PARP8: variants seen among roughly 807,000 people sequenced by gnomAD.
PARP8 encodes the protein protein mono-ADP-ribosyltransferase PARP8.
Under a neutral mutation model 124.1 loss-of-function variants are expected in PARP8, and 51 were observed. That is an observed-to-expected ratio of 0.41 (90% CI 0.33 to 0.52). PARP8 has a LOEUF of 0.52. PARP8 is among the 20% of genes least tolerant of loss of function. The pLI, the probability that PARP8 is intolerant of heterozygous loss-of-function variation, is 0.21. For synonymous variants in PARP8, 391 were observed against 361.5 expected, an observed-to-expected ratio of 1.08 and a Z score of -0.93; for missense variants, 860 against 1,018.9, an observed-to-expected ratio of 0.84 and a Z score of 2.12.
At chr5:50,830,715 T>G (rs1413232457) in intron 22 of PARP8, among the ~76,000 whole-genome samples, 1 of 152,228 alleles carries the variant, frequency 6.6e-6, no homozygotes, top group Non-Finnish European at 1.5e-5. Flanking sequence ...AAATTTTCTC[T>G]CCTTTACTAC....
rs187599629 is a variant in PARP8 at position 50,814,145 on chromosome 5, G to A, written c.1576-1287G>A. 2.5e-3 allele frequency among the ~76,000 whole-genome samples: 377 copies of A among 152,124 alleles called. 3 individuals are homozygous for A. Among genetic ancestry groups the A allele is most frequent in the Non-Finnish European group, 2.2e-3 (152 of 67,996 alleles). On this transcript the variant is annotated intron_variant, in intron 14 of 25. Coordinates refer to ENST00000281631, the MANE Select transcript of PARP8 (RefSeq NM_024615.4). ...TTCATTGTATTGAAGCACCAGAATA[G>A]CATTTGACACTATCGTAAATATGCA...
chr5:50,726,113 AT>A (rs1206970178), intron 2 of PARP8, among the ~76,000 whole-genome samples: 7 of 149,506 alleles, frequency 4.7e-5, no homozygotes, highest in Non-Finnish European at 6.0e-5. Flanking sequence ...CTCCCTACTT[AT>A]TTTTTTTTTA....
intron 2 of PARP8, among the ~76,000 whole-genome samples, chr5:50,714,099 T>C (rs956586227): frequency 3.7e-4 from 56 of 150,752 alleles, no homozygotes; most frequent in East Asian, 1.4e-3. Context: ...TTTTTTTTTT[T>C]CCCCAGAATT....
intron 2 of PARP8, among the ~76,000 whole-genome samples, chr5:50,718,994 T>G (rs771479427): frequency 6.6e-6 from 1 of 152,068 alleles, no homozygotes; most frequent in Non-Finnish European, 1.5e-5. Flanking sequence ...GTCTTTTCAA[T>G]AGAAGCCATT....
At position 50,844,225 on chromosome 5, in the gene PARP8, A is replaced by T. The variant is rs550251642; in HGVS notation, c.*2157A>T. 6.6e-6 allele frequency: 1 copy of T among 151,858 alleles called. No individual in the cohort carries two copies. The highest frequency in any genetic ancestry group is 1.5e-5 in the Non-Finnish European group (1 of 67,840). The allele number at this position is 151,858 out of a possible 1,614,324, so 9.4% of individuals were successfully genotyped here. On this transcript the variant is annotated 3_prime_UTR_variant, in exon 26 of 26. Transcript: ENST00000281631. ...AGTTTAATGCTAGGCATCTTTTATGATAATAAAGTAAGATGTCTTCTTATG... is the reference window on the plus strand; with the variant it reads ...AGTTTAATGCTAGGCATCTTTTATGTTAATAAAGTAAGATGTCTTCTTATG...
intron 2 of PARP8, among the ~76,000 whole-genome samples, chr5:50,674,591 T>C (rs960657639): frequency 6.6e-6 from 1 of 152,258 alleles, no homozygotes; most frequent in African/African-American, 2.4e-5. Flanking sequence ...TTTTTCCATA[T>C]AGACCTGAAA....
chr5:50,729,616 C>T (rs1188320253), intron 2 of PARP8, among the ~76,000 whole-genome samples: 3 of 152,056 alleles, frequency 2.0e-5, no homozygotes, highest in African/African-American at 7.2e-5. Context: ...TTTTTCTTGC[C>T]GTTCAGAAAG....
At chr5:50,776,738 A>G (rs1406101077) in intron 7 of PARP8, among the ~76,000 whole-genome samples, 1 of 152,202 alleles carries the variant, frequency 6.6e-6, no homozygotes, top group Non-Finnish European at 1.5e-5. Flanking sequence ...ATTAAATCAC[A>G]TAAAATTTTT....
chr5:50,778,224 A>G, intron 8 of PARP8, 95 bp downstream of exon 8: 1 of 914,790 alleles, frequency 1.1e-6, no homozygotes, highest in Non-Finnish European at 1.7e-6. Context: ...GTCTTATAAT[A>G]CTATTAGTTA....
chr5:50,803,009 C>G (rs1352888275), intron 14 of PARP8, among the ~76,000 whole-genome samples: 1 of 152,052 alleles, frequency 6.6e-6, no homozygotes, highest in Non-Finnish European at 1.5e-5. Context: ...AAATGATGAA[C>G]TCTGTTGGTT....
At chr5:50,707,945 G>A (rs182472267) in intron 2 of PARP8, among the ~76,000 whole-genome samples, 6 of 152,008 alleles carry the variant, frequency 3.9e-5, no homozygotes, top group South Asian at 2.1e-4. Context: ...ACACGATCTC[G>A]CACCATAGCC....
chr5:50,752,891 G>T (rs1418339661), intron 3 of PARP8, among the ~76,000 whole-genome samples: 1 of 151,930 alleles, frequency 6.6e-6, no homozygotes, highest in African/African-American at 2.4e-5. Flanking sequence ...ATGTCCCTAG[G>T]AACAGATTTG....
At chr5:50,778,491 T>C in intron 8 of PARP8, 69 bp from the exon 9 acceptor site, 1 of 1,343,216 alleles carries the variant, frequency 7.4e-7, no homozygotes, top group Non-Finnish European at 1.0e-6. Flanking sequence ...TTTTAAAAGT[T>C]TGTGTGTTTT....
In PARP8 at chr5:50,666,889, C is replaced by G; in HGVS notation, c.-207C>G. On this transcript the variant is annotated 5_prime_UTR_variant, in exon 1 of 26. Transcript: ENST00000281631. Reference sequence around the variant, plus strand: ...AGCTGGGCGGTCACATCTGGGAATGCAAAGCCGACCTCCCCCTCCTCCTCC... The same window carrying G: ...AGCTGGGCGGTCACATCTGGGAATGGAAAGCCGACCTCCCCCTCCTCCTCC... 1 of 1,379,988 alleles carries G rather than the reference C, an allele frequency of 7.2e-7. No individual in the cohort carries two copies. The highest frequency in any genetic ancestry group is 9.3e-7 in the Non-Finnish European group (1 of 1,072,504). 85.5% of individuals were successfully genotyped at this position (1,379,988 alleles called of 1,614,324 possible). A position where few individuals can be genotyped will look rare whatever the true frequency, so the allele number is the denominator to read the frequency against.
chr5:50,710,410 A>G (rs768404057), intron 2 of PARP8, among the ~76,000 whole-genome samples: 13 of 152,112 alleles, frequency 8.5e-5, no homozygotes, highest in Non-Finnish European at 1.5e-4. Flanking sequence ...TTGCCTTAGA[A>G]CTTTATCAGC....
chr5:50,783,436 T>C (rs1267793786), intron 9 of PARP8, among the ~76,000 whole-genome samples: 1 of 152,232 alleles, frequency 6.6e-6, no homozygotes, highest in African/African-American at 2.4e-5. Flanking sequence ...ATAGTGCTGT[T>C]AGACATTTTT....
rs1211253892 is a variant in PARP8, at chr5:50,747,163, G to GTTTTTTT, written c.147-2977_147-2971dup. ...ATGGTTTTTTTTGTTTGTTTGTTTT[G>GTTTTTTT]TTTTTTTTTTTTTTTTTGTCTCTTC... is the stretch of plus-strand genomic sequence containing the variant. On this transcript the variant is annotated intron_variant, in intron 2 of 25. Coordinates refer to ENST00000281631, the MANE Select transcript of PARP8 (RefSeq NM_024615.4). Among the ~76,000 whole-genome samples the GTTTTTTT allele has an allele frequency of 7.6e-3, 729 of 95,490 alleles. 2 individuals carry two copies. Among genetic ancestry groups the GTTTTTTT allele is most frequent in the Middle Eastern group, 0.015 (2 of 136 alleles). The allele number at this position is 95,490 out of a possible 152,430, so 62.6% of individuals were successfully genotyped here. A position where few individuals can be genotyped will look rare whatever the true frequency, so the allele number is the denominator to read the frequency against.
At chr5:50,729,674 T>C (rs1756781733) in intron 2 of PARP8, among the ~76,000 whole-genome samples, 1 of 152,198 alleles carries the variant, frequency 6.6e-6, no homozygotes, top group African/African-American at 2.4e-5. Context: ...GAATATCTCC[T>C]CAGGCATCTT....
intron 7 of PARP8, among the ~76,000 whole-genome samples, chr5:50,768,011 ATGTG>A (rs371344583): frequency 5.3e-5 from 8 of 150,016 alleles, no homozygotes; most frequent in South Asian, 4.2e-4. Context: ...ATATACATAT[ATGTG>A]TGTGTGTGTG....
Sources: allele counts gnomAD v4.1 joint callset (sites outside exome capture counted in the v4.1 genomes callset), GRCh38; gene constraint gnomAD v4.1.1; transcripts MANE v1.5; gene names NCBI Gene and HGNC (gene_info 2026-07-23, HGNC 2026-07-21).